RTCA: variants seen among roughly 807,000 people sequenced by gnomAD.
RTCA encodes the protein RNA 3'-terminal phosphate cyclase.
Under a neutral mutation model 46.1 loss-of-function variants are expected in RTCA, and 37 were observed. The observed-to-expected ratio is 0.80, with a 90% confidence interval of 0.62 to 1.06. The LOEUF (loss-of-function observed/expected upper bound fraction) is 1.06. Among genes scored for constraint, RTCA ranks in the 50% least tolerant of loss-of-function variants. RTCA has a pLI of 0.00. For missense variants in RTCA, 435 were observed against 455.5 expected (o/e 0.95, Z 0.41); for synonymous variants, 164 against 158.3 (o/e 1.04, Z -0.27).
intron 9 of RTCA, among the ~76,000 whole-genome samples, chr1:100,286,460 A>C (rs1667034308): frequency 6.6e-6 from 1 of 150,640 alleles, no homozygotes. Flanking sequence ...GTCTCAAAAA[A>C]AAAAAAAAAA....
At chr1:100,268,096 G>A (rs749792268) in intron 2 of RTCA, 56 bp from the exon 3 acceptor site, 21 of 1,582,878 alleles carry the variant, frequency 1.3e-5, no homozygotes, top group Non-Finnish European at 1.8e-5. Flanking sequence ...GTCATAAAAT[G>A]TGGGGATGTA....
chr1:100,273,309 A>T (rs1666199471), intron 4 of RTCA, 85 bp from the exon 5 acceptor site: 1 of 828,668 alleles, frequency 1.2e-6, no homozygotes, highest in Admixed American at 2.9e-5. Context: ...GTTACTAGCC[A>T]GCAAAGCGCT....
intron 7 of RTCA, 149 bp from the exon 8 acceptor site, chr1:100,277,109 A>G: frequency 1.5e-6 from 1 of 675,680 alleles, no homozygotes; most frequent in Admixed American, 2.3e-5. Context: ...AATGTTAATC[A>G]TACCACTCTA....
chr1:100,286,454 CAAAAA>C (rs754851046), intron 9 of RTCA, among the ~76,000 whole-genome samples: 1 of 45,360 alleles, frequency 2.2e-5, no homozygotes, highest in African/African-American at 8.0e-5. Flanking sequence ...GACTCCGTCT[CAAAAA>C]AAAAAAAAAA....
At chr1:100,280,979 A>C (rs1666672937) in intron 8 of RTCA, among the ~76,000 whole-genome samples, 1 of 152,200 alleles carries the variant, frequency 6.6e-6, no homozygotes, top group South Asian at 2.1e-4. Flanking sequence ...ACTGCACTCC[A>C]GCCTAGGTGA....
In RTCA at chr1:100,266,242, C is replaced by G; in HGVS notation, c.-134C>G. ...GTGTCCCGAGAGGCGCCGCTTCTTC[C>G]GCTTTCTCGTCAGGCTCCTGCGCCC... On this transcript the variant is annotated 5_prime_UTR_variant, in exon 1 of 11. Transcript: ENST00000370128. 9.2e-7 allele frequency: 1 copy of G among 1,085,222 alleles called. No individual in the cohort carries two copies. Among genetic ancestry groups the G allele is most frequent in the Non-Finnish European group, 1.3e-6 (1 of 759,814 alleles). 67.2% of individuals were successfully genotyped at this position (1,085,222 alleles called of 1,614,324 possible).
chr1:100,291,367 C>T (rs1441335891), intron 10 of RTCA, 36 bp from the exon 11 acceptor site: 4 of 1,398,298 alleles, frequency 2.9e-6, no homozygotes. Flanking sequence ...CTCCATCTCT[C>T]TTCGTATTAC....
In RTCA at chr1:100,276,432, A is replaced by G. The variant is rs182720692; in HGVS notation, c.740+709A>G. On this transcript the variant is annotated intron_variant, in intron 7 of 10. Coordinates refer to ENST00000370128, the MANE Select transcript of RTCA (RefSeq NM_003729.4). ...GGTGGCTTACACCTGTAATCCCAGCACTTTGGGAGGCTGAGGCGGGCAGAT... is the reference window on the plus strand; with the variant it reads ...GGTGGCTTACACCTGTAATCCCAGCGCTTTGGGAGGCTGAGGCGGGCAGAT... Among the ~76,000 whole-genome samples the G allele has an allele frequency of 1.8e-3, 272 of 152,314 alleles. 5 individuals are homozygous for G. The highest frequency in any genetic ancestry group is 2.3e-3 in the East Asian group (12 of 5,164).
At chr1:100,267,005 C>T in intron 2 of RTCA, 1 of 256,564 alleles carries the variant, frequency 3.9e-6, no homozygotes, top group Non-Finnish European at 7.5e-6. Flanking sequence ...CCAGTGCATT[C>T]TGGTTCTGCT....
intron 7 of RTCA, 139 bp downstream of exon 7, chr1:100,275,862 G>A (rs1319075832): frequency 1.1e-5 from 8 of 729,514 alleles, no homozygotes; most frequent in Non-Finnish European, 1.4e-5. Context: ...TTGAGGTGGA[G>A]TCTCGCTCTG....
At chr1:100,268,076 T>G (rs1665885196) in intron 2 of RTCA, 76 bp from the exon 3 acceptor site, 1 of 1,562,678 alleles carries the variant, frequency 6.4e-7, no homozygotes, top group Admixed American at 1.8e-5. Context: ...CATTGCAGTT[T>G]TATAAATTTG....
At chr1:100,269,599 G>T (rs1160700138) in intron 3 of RTCA, among the ~76,000 whole-genome samples, 1 of 152,024 alleles carries the variant, frequency 6.6e-6, no homozygotes, top group Non-Finnish European at 1.5e-5. Flanking sequence ...CTCCCAAAGT[G>T]CTGGGATACA....
chr1:100,282,384 A>G (rs1377125595), intron 8 of RTCA, among the ~76,000 whole-genome samples: 3 of 152,166 alleles, frequency 2.0e-5, no homozygotes, highest in Non-Finnish European at 4.4e-5. Flanking sequence ...CTCCATCCCT[A>G]TTTTAGCTGT....
chr1:100,275,521 G>T (rs1666321880), intron 6 of RTCA, 78 bp from the exon 7 acceptor site: 1 of 1,071,070 alleles, frequency 9.3e-7, no homozygotes. Flanking sequence ...ATTATTTTAT[G>T]TGTCTTTGAA....
At chr1:100,283,935 G>GAAAAAAAAAAAA (rs763030720) in intron 8 of RTCA, among the ~76,000 whole-genome samples, 59 of 55,072 alleles carry the variant, frequency 1.1e-3, no homozygotes, top group African/African-American at 1.7e-3. Context: ...AAAAAAAAAA[G>GAAAAAAAAAAAA]AAAAAAAAAA....
chr1:100,273,847 G>A (rs1407288135), intron 5 of RTCA, among the ~76,000 whole-genome samples: 2 of 152,300 alleles, frequency 1.3e-5, no homozygotes, highest in Admixed American at 6.5e-5. Flanking sequence ...GGGCATTCAG[G>A]TTATTTCTCT....
intron 4 of RTCA, among the ~76,000 whole-genome samples, chr1:100,271,829 T>A (rs1039854222): frequency 6.6e-6 from 1 of 152,238 alleles, no homozygotes; most frequent in Non-Finnish European, 1.5e-5. Context: ...AAAAATTCCC[T>A]TATACGTTTT....
At chr1:100,280,852 A>G (rs1436954545) in intron 8 of RTCA, among the ~76,000 whole-genome samples, 2 of 152,178 alleles carry the variant, frequency 1.3e-5, no homozygotes, top group Admixed American at 1.3e-4. Context: ...AAATACAAAA[A>G]TTACTTGAGC....
At chr1:100,290,235 T>C (rs570995023) in intron 10 of RTCA, among the ~76,000 whole-genome samples, 1 of 152,314 alleles carries the variant, frequency 6.6e-6, no homozygotes, top group African/African-American at 2.4e-5. Flanking sequence ...TGAAATCCTT[T>C]TGCCACAAAC....
Sources: allele counts gnomAD v4.1 joint callset (sites outside exome capture counted in the v4.1 genomes callset), GRCh38; gene constraint gnomAD v4.1.1; transcripts MANE v1.5; gene names NCBI Gene and HGNC (gene_info 2026-07-23, HGNC 2026-07-21).